The following NPHP4 variants were observed in gnomAD, a reference collection of about 807,000 sequenced individuals.
The protein encoded by NPHP4 is nephrocystin-4.
A neutral mutation model predicts 155.8 loss-of-function variants in NPHP4; 151 were observed. That is an observed-to-expected ratio of 0.97 (90% confidence interval 0.85 to 1.11). The LOEUF (loss-of-function observed/expected upper bound fraction) is 1.11. NPHP4 is among the 50% of genes least tolerant of loss of function. The pLI is 0.00. For missense variants in NPHP4, 1,956 were observed against 1,925.7 expected (o/e 1.02, Z -0.29); for synonymous variants, 845 against 816.8 (o/e 1.03, Z -0.59).
chr1:5,868,676 ACATG>A (rs1641546798), intron 23 of NPHP4, among the ~76,000 whole-genome samples: 1 of 150,644 alleles, frequency 6.6e-6, no homozygotes, highest in Non-Finnish European at 1.5e-5. Flanking sequence ...AAATGCACAC[ACATG>A]CATGTACACA....
intron 4 of NPHP4, among the ~76,000 whole-genome samples, chr1:5,968,634 A>T (rs1651970402): frequency 6.6e-6 from 1 of 151,396 alleles, no homozygotes; most frequent in African/African-American, 2.4e-5. Flanking sequence ...CCCAAGCAAG[A>T]CACATCCCAC....
rs192464308 is a variant in NPHP4, at chr1:5,875,025, C to T, written c.2893G>A (p.Glu965Lys). The T allele has an allele frequency of 8.6e-5, 138 of 1,610,560 alleles. 2 individuals are homozygous for T. In the East Asian group the frequency reaches 1.5e-3, roughly 17 times the overall value. ...IAAYRERTKA[E>K]SIASLLSLAI... ...AGGCTCAGCAGGCTGGCGATGCTCT[C>T]GGCCTTCGTGCGTTCCCGGTAGGCG... is the stretch of plus-strand genomic sequence containing the variant. Residue 965 changes from glutamate (E) to lysine (K), a missense_variant, in exon 21 of 30, where the codon GAG becomes AAG. Physicochemically the swap from Glu to Lys is moderately conservative, Grantham distance 56 (BLOSUM62 1). Transcript: ENST00000378156.
chr1:5,871,631 G>A (rs976910086), intron 23 of NPHP4, among the ~76,000 whole-genome samples: 5 of 152,188 alleles, frequency 3.3e-5, no homozygotes, highest in South Asian at 2.1e-4. Flanking sequence ...AGCTGGATGC[G>A]AGTGAGGGAG....
intron 11 of NPHP4, among the ~76,000 whole-genome samples, chr1:5,925,627 G>GC (rs1373630223): frequency 6.6e-6 from 1 of 151,806 alleles, no homozygotes; most frequent in African/African-American, 2.4e-5. Flanking sequence ...GTTTTGTTTT[G>GC]TTTTTTGAGA....
Position 5,867,565 on chromosome 1 carries a change from A to C in NPHP4, c.3472+175T>G, listed in dbSNP as rs1342326445. The C allele has an allele frequency of 7.3e-6, 5 of 681,274 alleles. No individual in the cohort carries two copies. Among genetic ancestry groups the C allele is most frequent in the African/African-American group, 5.4e-5 (3 of 55,318 alleles). 42.2% of individuals were successfully genotyped at this position (681,274 alleles called of 1,614,324 possible). On this transcript the variant is annotated intron_variant, in intron 24 of 29. Coordinates refer to ENST00000378156, the MANE Select transcript of NPHP4 (RefSeq NM_015102.5). The surrounding 1 kb of genome is among the most constrained non-coding windows in gnomAD (Gnocchi z 4.1). ...CGCACCTAGTCATCTCAGAGGTGGC[A>C]AGAGGGACACCGTTTCAAACCATAA... is the stretch of plus-strand genomic sequence containing the variant.
chr1:5,974,363 C>G (rs1049331047), intron 3 of NPHP4, among the ~76,000 whole-genome samples: 2 of 152,084 alleles, frequency 1.3e-5, no homozygotes, highest in Non-Finnish European at 2.9e-5. Context: ...GTAACTCCCC[C>G]CAAATAAATA....
At chr1:5,908,571 CAGG>C (rs931351234) in intron 12 of NPHP4, among the ~76,000 whole-genome samples, 3 of 152,178 alleles carry the variant, frequency 2.0e-5, no homozygotes, top group African/African-American at 7.2e-5. Context: ...GGCAGCCAAG[CAGG>C]AGCTCAGCTC....
intron 6 of NPHP4, among the ~76,000 whole-genome samples, chr1:5,955,422 G>C (rs1361336121): frequency 1.3e-5 from 2 of 152,236 alleles, no homozygotes; most frequent in South Asian, 4.1e-4. Flanking sequence ...ATGTCAAAGA[G>C]ATATCGCCAC....
In NPHP4 at chr1:5,978,387, A is replaced by G; in HGVS notation, c.162T>C (p.Val54=). The G allele has an allele frequency of 6.2e-7, 1 of 1,606,222 alleles. No homozygotes were observed. The highest frequency in any genetic ancestry group is 8.5e-7 in the Non-Finnish European group (1 of 1,176,492). ...AGAAAGACACTCGCAGATGGCATTC[A>G]ACCTCTGACAGTACCTCCAGCACGC... The part of the protein sequence containing the change: ...RQGVLEVLSE[V]ECHLRVSFFD... The change falls in exon 3 of 30, where the codon GTT becomes GTC. Residue 54 remains valine, a synonymous_variant. Transcript: ENST00000378156.
At position 5,907,313 on chromosome 1, in the gene NPHP4, G is replaced by C. The variant is rs900622478; in HGVS notation, c.1504-91C>G. ...CATGCACTGGCCACACCGGGGAACG[G>C]GGTAGCCCTGGATCCAGCCACGGAA... On this transcript the variant is annotated intron_variant, in intron 12 of 29. Coordinates refer to ENST00000378156, the MANE Select transcript of NPHP4 (RefSeq NM_015102.5). The C allele has an allele frequency of 8.9e-6, 7 of 782,310 alleles. No homozygotes were observed. In the Admixed American group the frequency reaches 1.9e-4, roughly 21 times the overall value. The allele number at this position is 782,310 out of a possible 1,614,324, so 48.5% of individuals were successfully genotyped here. A position where few individuals can be genotyped will look rare whatever the true frequency, so the allele number is the denominator to read the frequency against.
At chr1:5,911,196 C>T (rs1039918312) in intron 11 of NPHP4, among the ~76,000 whole-genome samples, 5 of 152,196 alleles carry the variant, frequency 3.3e-5, no homozygotes, top group African/African-American at 9.7e-5. Context: ...TCCTCAAAGC[C>T]GATGCCTCTC....
chr1:5,904,737 A>G lies in NPHP4; in HGVS notation c.2023T>C (p.Phe675Leu). ...AGTCGTGGCGTCGTTGCGGGTGGGA[A>G]GCGGTAGAACTGGAAGGTGAAATAC... Reference protein sequence around the residue: ...TVYFTFQFYRFPPATTPRLQL... With the variant: ...TVYFTFQFYRLPPATTPRLQL... Residue 675 changes from phenylalanine (F) to leucine (L), a missense_variant, in exon 16 of 30, where the codon TTC (phenylalanine) becomes CTC (leucine). Phe to Leu is a conservative substitution (Grantham distance 22). Transcript: ENST00000378156. 6.2e-7 allele frequency: 1 copy of G among 1,614,020 alleles called. No homozygotes were observed. Among genetic ancestry groups the G allele is most frequent in the South Asian group, 1.1e-5 (1 of 91,086 alleles).
intron 9 of NPHP4, among the ~76,000 whole-genome samples, chr1:5,936,389 C>T (rs1646540400): frequency 6.6e-6 from 1 of 152,136 alleles, no homozygotes; most frequent in African/African-American, 2.4e-5. Context: ...GCAGAGAAGG[C>T]CAAGCACAAG....
Position 5,892,922 on chromosome 1 carries a change from T to C in NPHP4, c.2144-1894A>G, listed in dbSNP as rs747342301. On this transcript the variant is annotated intron_variant, in intron 16 of 29. Transcript: ENST00000378156. The surrounding 1 kb of genome is among the most constrained non-coding windows in gnomAD (Gnocchi z 4.5). ...GCCCCAGCCCGGCTGGAATCCTCAC[T>C]GCTTCTGGGGTTGAGGAAACAGAAA... Among the ~76,000 whole-genome samples the C allele has an allele frequency of 6.6e-6, 1 of 152,138 alleles. No homozygotes were observed. The highest frequency in any genetic ancestry group is 2.4e-5 in the African/African-American group (1 of 41,422).
At chr1:5,986,908 G>A (rs1409556525) in intron 1 of NPHP4, among the ~76,000 whole-genome samples, 4 of 151,992 alleles carry the variant, frequency 2.6e-5, no homozygotes, top group African/African-American at 4.8e-5. Flanking sequence ...CAGTCCTAGC[G>A]TTAAGACTGT....
At chr1:5,900,012 A>G (rs1644591695) in intron 16 of NPHP4, among the ~76,000 whole-genome samples, 1 of 152,142 alleles carries the variant, frequency 6.6e-6, no homozygotes, top group Admixed American at 6.6e-5. Context: ...ACAACAAGAC[A>G]CCACTGCACT....
rs115491044 is a variant in NPHP4 at position 5,956,911 on chromosome 1, G to A, written c.674-4075C>T. On this transcript the variant is annotated intron_variant, in intron 6 of 29. Transcript: ENST00000378156. ...AAGACTTGGAGAGGCTGGGAAACCT[G>A]CCCCCAGCTCACATCGTGGCTAGAC... Among the ~76,000 whole-genome samples the A allele has an allele frequency of 9.3e-3, 1,422 of 152,270 alleles. 14 individuals are homozygous for A. The highest frequency in any genetic ancestry group is 0.032 in the African/African-American group (1,334 of 41,536).
chr1:5,868,955 C>CAA (rs1192406540), intron 23 of NPHP4, among the ~76,000 whole-genome samples: 1 of 142,508 alleles, frequency 7.0e-6, no homozygotes, highest in Non-Finnish European at 1.5e-5. Context: ...CACACACACA[C>CAA]AATGCACACA....
In NPHP4 at chr1:5,967,864, G is replaced by A. The variant is rs1363837937; in HGVS notation, c.453-501C>T. ...CCTACAGCACAGACGACAGCCCCGC[G>A]ACAGCAAACAATTATCCATTCGCAA... On this transcript the variant is annotated intron_variant, in intron 4 of 29. Transcript: ENST00000378156. Among the ~76,000 whole-genome samples, 4 of 152,108 alleles carry A rather than the reference G, an allele frequency of 2.6e-5. 1 individual carries two copies. Among genetic ancestry groups the A allele is most frequent in the East Asian group, 3.9e-4 (2 of 5,138 alleles).
Sources: gnomAD v4.1 joint callset for allele counts (sites outside exome capture counted in the v4.1 genomes callset) on GRCh38, gnomAD v4.1.1 for gene constraint, Gnocchi (gnomAD v3.1) non-coding constraint, MANE v1.5 for transcripts, NCBI Gene and HGNC (gene_info 2026-07-23, HGNC 2026-07-21) for gene names.